Variants in MYO16 observed in about 807,000 individuals in gnomAD.
MYO16 encodes myosin XVI.
MYO16 carries 94 observed loss-of-function variants against 205.3 expected under a neutral mutation model. The ratio of observed to expected loss-of-function variants is 0.46; its 90% CI spans 0.39 to 0.54. MYO16 has a LOEUF of 0.54. Among genes scored for constraint, MYO16 ranks in the 20% least tolerant of loss-of-function variants. MYO16 has a pLI of 0.00. For missense variants in MYO16, 2,315 were observed against 2,387.5 expected, an observed-to-expected ratio of 0.97 and a Z score of 0.63; for synonymous variants, 988 against 954.0, an observed-to-expected ratio of 1.04 and a Z score of -0.66.
chr13:108,846,142 T>G (rs540855915), intron 10 of MYO16, among the ~76,000 whole-genome samples: 5 of 152,182 alleles, frequency 3.3e-5, no homozygotes, highest in Non-Finnish European at 7.4e-5. Flanking sequence ...CTATCCTGTA[T>G]AGAGGAAAAA....
chr13:108,746,854 T>G (rs1885080605), intron 4 of MYO16, among the ~76,000 whole-genome samples: 1 of 152,092 alleles, frequency 6.6e-6, no homozygotes, highest in Non-Finnish European at 1.5e-5. Flanking sequence ...TACTTAAGTA[T>G]AGCATATTTG....
chr13:108,800,442 C>T (rs1456536500), intron 6 of MYO16, among the ~76,000 whole-genome samples: 1 of 152,154 alleles, frequency 6.6e-6, no homozygotes, highest in Non-Finnish European at 1.5e-5. Flanking sequence ...CTCCTTTTGT[C>T]TTTAATTTCT....
At chr13:108,905,355 A>G (rs928047973) in intron 15 of MYO16, among the ~76,000 whole-genome samples, 1 of 152,210 alleles carries the variant, frequency 6.6e-6, no homozygotes, top group Non-Finnish European at 1.5e-5. Context: ...GGAGCTATTA[A>G]TGGTTTAATC....
chr13:109,032,398 A>G (rs924186441), intron 23 of MYO16, among the ~76,000 whole-genome samples: 1 of 151,920 alleles, frequency 6.6e-6, no homozygotes, highest in African/African-American at 2.4e-5. Context: ...ACATATCCCC[A>G]TCCTTTGTGC....
Position 108,910,120 on chromosome 13 carries a change from G to T in MYO16, c.1895G>T (p.Gly632Val). 6.2e-7 allele frequency: 1 copy of T among 1,613,098 alleles called. No individual in the cohort carries two copies. The highest frequency in any genetic ancestry group is 1.1e-5 in the South Asian group (1 of 91,034). ...MDGLSAEEKY[G>V]LHLNNLCAHR... ...GGGTTATCTGCTGAAGAAAAATATG[G>T]ACTTCATCTTAATAATTTATGTGCA... Residue 632 changes from glycine (G) to valine (V), a missense_variant, in exon 16 of 35, where the codon GGA (glycine) becomes GTA (valine). Physicochemically the swap from Gly to Val is moderately radical, Grantham distance 109. This residue lies in a region of MYO16 where 1,213 missense variants were observed against 1,274.4 expected (regional missense o/e 0.95). Coordinates refer to ENST00000457511, the MANE Select transcript of MYO16 (RefSeq NM_001198950.3).
chr13:108,650,451 A>AT (rs780417636), intron 1 of MYO16, among the ~76,000 whole-genome samples: 110 of 152,208 alleles, frequency 7.2e-4, no homozygotes, highest in Non-Finnish European at 1.1e-3. Context: ...GAATTTGCCT[A>AT]TTAAATACCT....
chr13:108,817,767 T>C (rs1286155352), intron 7 of MYO16, among the ~76,000 whole-genome samples: 1 of 152,216 alleles, frequency 6.6e-6, no homozygotes, highest in East Asian at 1.9e-4. Context: ...TTGTTTTGAC[T>C]CCTCTTGCCT....
chr13:109,046,780 C>A (rs72654101), intron 23 of MYO16, 136 bp from the exon 24 acceptor site: 10 of 670,540 alleles, frequency 1.5e-5, no homozygotes, highest in East Asian at 1.3e-4. Flanking sequence ...TTGCATGTAA[C>A]GTGAACTGTA....
chr13:109,147,462 T>C (rs1222147223), intron 32 of MYO16, among the ~76,000 whole-genome samples: 1 of 152,202 alleles, frequency 6.6e-6, no homozygotes, highest in East Asian at 1.9e-4. Flanking sequence ...TCCAACATTA[T>C]CGTCATTTAT....
intron 32 of MYO16, among the ~76,000 whole-genome samples, chr13:109,155,959 A>G (rs1030212391): frequency 1.3e-5 from 2 of 152,224 alleles, no homozygotes; most frequent in Non-Finnish European, 2.9e-5. Flanking sequence ...AGAAAATTCT[A>G]TCATGTAAAA....
At chr13:108,962,359 A>C (rs1414346003) in intron 18 of MYO16, 65 bp from the exon 19 acceptor site, 1 of 1,320,610 alleles carries the variant, frequency 7.6e-7, no homozygotes, top group Non-Finnish European at 1.1e-6. Context: ...ATGGCCATAA[A>C]ATTCAATGTT....
chr13:109,138,046 A>G (rs1450482649), intron 31 of MYO16, among the ~76,000 whole-genome samples: 1 of 152,224 alleles, frequency 6.6e-6, no homozygotes, highest in Non-Finnish European at 1.5e-5. Flanking sequence ...TTTATTCATG[A>G]ATTTATCTCA....
chr13:109,013,108 T>TTCCCCCCCCC (rs1885665915), intron 22 of MYO16, among the ~76,000 whole-genome samples: 1 of 32,612 alleles, frequency 3.1e-5, no homozygotes, highest in African/African-American at 1.1e-4. Flanking sequence ...ATGCTACCCC[T>TTCCCCCCCCC]CCCCCACCCC....
At chr13:108,799,556 C>A (rs1245797189) in intron 6 of MYO16, among the ~76,000 whole-genome samples, 1 of 152,128 alleles carries the variant, frequency 6.6e-6, no homozygotes, top group Middle Eastern at 3.2e-3. Flanking sequence ...ATGATGACAT[C>A]ACGGCTTTGC....
chr13:108,726,202 G>GT (rs1884329723), intron 3 of MYO16, among the ~76,000 whole-genome samples: 1 of 152,042 alleles, frequency 6.6e-6, no homozygotes, highest in African/African-American at 2.4e-5. Flanking sequence ...TTAATAATAG[G>GT]TTTTTAAAAA....
intron 8 of MYO16, 90 bp downstream of exon 8, chr13:108,820,502 A>T: frequency 2.0e-6 from 2 of 1,009,492 alleles, no homozygotes; most frequent in Non-Finnish European, 3.0e-6. Context: ...ACAGCTACAA[A>T]GTGAGAGCTG....
chr13:108,864,844 C>A (rs903255372), intron 11 of MYO16, among the ~76,000 whole-genome samples: 5 of 152,116 alleles, frequency 3.3e-5, no homozygotes, highest in African/African-American at 7.2e-5. Flanking sequence ...GCCCATGATG[C>A]CTTGATGTAC....
intron 12 of MYO16, among the ~76,000 whole-genome samples, chr13:108,872,288 C>G (rs1879107725): frequency 6.6e-6 from 1 of 152,016 alleles, no homozygotes; most frequent in Non-Finnish European, 1.5e-5. Context: ...TTCTATGGAT[C>G]TAGAGGTAAA....
At chr13:108,776,848 C>T (rs144937270) in intron 4 of MYO16, among the ~76,000 whole-genome samples, 1 of 152,118 alleles carries the variant, frequency 6.6e-6, no homozygotes, top group African/African-American at 2.4e-5. Flanking sequence ...TCCAAGGTCA[C>T]GTGACTGTTA....
Sources: gnomAD v4.1 joint callset for allele counts (sites outside exome capture counted in the v4.1 genomes callset) on GRCh38, gnomAD v4.1.1 for gene constraint, gnomAD v4.1.1 regional missense constraint, MANE v1.5 for transcripts, NCBI Gene and HGNC (gene_info 2026-07-23, HGNC 2026-07-21) for gene names.